The following GTF2F2 variants were observed in gnomAD, a reference collection of about 807,000 sequenced individuals.
GTF2F2 encodes general transcription factor IIF subunit 2, also known as ATP-dependent helicase GTF2F2.
GTF2F2 carries 23 observed loss-of-function variants against 42.2 expected under a neutral mutation model. That is an observed-to-expected ratio of 0.55 (90% CI 0.39 to 0.77). The LOEUF (loss-of-function observed/expected upper bound fraction) is 0.77. Ranked by LOEUF, GTF2F2 falls within the 30% of genes least tolerant of loss-of-function variation. GTF2F2 has a pLI of 0.00. For missense variants in GTF2F2, 261 were observed against 287.2 expected (o/e 0.91, Z 0.66); for synonymous variants, 105 against 100.8 (o/e 1.04, Z -0.25).
chr13:45,254,414 A>G (rs1307545170), intron 6 of GTF2F2, among the ~76,000 whole-genome samples: 1 of 152,202 alleles, frequency 6.6e-6, no homozygotes, highest in Non-Finnish European at 1.5e-5. Context: ...ATTGTTGTGT[A>G]TCTTATATGT....
At chr13:45,191,207 TA>T (rs1872607524) in intron 4 of GTF2F2, among the ~76,000 whole-genome samples, 1 of 52,232 alleles carries the variant, frequency 1.9e-5, no homozygotes, top group Non-Finnish European at 3.2e-5. Flanking sequence ...CCGTCTCTAC[TA>T]AAAATACAAA....
At chr13:45,247,045 A>AG (rs969014695) in intron 5 of GTF2F2, among the ~76,000 whole-genome samples, 18 of 131,424 alleles carry the variant, frequency 1.4e-4, no homozygotes, top group African/African-American at 4.6e-4. Flanking sequence ...TCTCAAAAAA[A>AG]AAAAAAAAAA....
intron 7 of GTF2F2, among the ~76,000 whole-genome samples, chr13:45,274,365 C>T (rs1876932862): frequency 8.3e-6 from 1 of 120,488 alleles, no homozygotes; most frequent in African/African-American, 3.4e-5. Flanking sequence ...CTCGCTCTGT[C>T]ACCCAGGCTG....
chr13:45,159,479 C>T (rs930134987), intron 4 of GTF2F2, among the ~76,000 whole-genome samples: 1 of 152,244 alleles, frequency 6.6e-6, no homozygotes, highest in East Asian at 1.9e-4. Flanking sequence ...CAACCTCCGC[C>T]TCCCAGGCGC....
chr13:45,279,480 A>T (rs1027527262), intron 7 of GTF2F2, among the ~76,000 whole-genome samples: 15 of 152,140 alleles, frequency 9.9e-5, no homozygotes, highest in African/African-American at 3.6e-4. Flanking sequence ...TGAATGGTCT[A>T]TTTTTATGGA....
chr13:45,208,943 A>C (rs1003472895), intron 5 of GTF2F2, among the ~76,000 whole-genome samples: 8 of 152,216 alleles, frequency 5.3e-5, no homozygotes, highest in Non-Finnish European at 7.3e-5. Context: ...TTGAAAATTT[A>C]TCTCTTCATA....
intron 6 of GTF2F2, among the ~76,000 whole-genome samples, chr13:45,256,716 T>A (rs9595282): frequency 0.1 from 15,878 of 152,126 alleles, 2,231 homozygotes; most frequent in African/African-American, 0.32. Context: ...AAGAGGACAT[T>A]GACTTTTAAA....
chr13:45,242,256 CTTTT>C (rs71184405), intron 5 of GTF2F2, among the ~76,000 whole-genome samples: 2 of 105,676 alleles, frequency 1.9e-5, no homozygotes, highest in Non-Finnish European at 3.8e-5. Context: ...GCTGGCACTT[CTTTT>C]TTTTTTTTTT....
At chr13:45,248,610 A>T (rs1384235912) in intron 5 of GTF2F2, among the ~76,000 whole-genome samples, 4 of 151,954 alleles carry the variant, frequency 2.6e-5, no homozygotes, top group African/African-American at 7.3e-5. Context: ...AGTAGCTGGG[A>T]TTACAGGCGC....
chr13:45,165,310 A>AATATATAT (rs1157066625), intron 4 of GTF2F2, among the ~76,000 whole-genome samples: 1 of 141,690 alleles, frequency 7.1e-6, no homozygotes, highest in African/African-American at 2.6e-5. Context: ...TTATATCTAA[A>AATATATAT]ATATATATAT....
chr13:45,261,859 G>A (rs1277159607), intron 6 of GTF2F2, among the ~76,000 whole-genome samples: 1 of 152,198 alleles, frequency 6.6e-6, no homozygotes, highest in Non-Finnish European at 1.5e-5. Flanking sequence ...GTAGTGTCAA[G>A]TTGTGAATAT....
At chr13:45,191,224 A>AAAAAAAAAAAAAATATATATATATAT in intron 4 of GTF2F2, among the ~76,000 whole-genome samples, 3 of 75,306 alleles carry the variant, frequency 4.0e-5, no homozygotes, top group Admixed American at 1.4e-4. Context: ...ACAAAAAAAA[A>AAAAAAAAAAAAAATATATATATATAT]ATATATATAT....
chr13:45,168,839 C>T (rs1871438439), intron 4 of GTF2F2, among the ~76,000 whole-genome samples: 1 of 148,434 alleles, frequency 6.7e-6, no homozygotes, highest in Non-Finnish European at 1.5e-5. Flanking sequence ...CTCCCTCTTT[C>T]CTTCCCTCCC....
At chr13:45,144,486 A>T in intron 2 of GTF2F2, among the ~76,000 whole-genome samples, 1 of 113,772 alleles carries the variant, frequency 8.8e-6, no homozygotes, top group Admixed American at 1.3e-4. Context: ...TTTGAGACAG[A>T]GTCTCACTCA....
At chr13:45,210,651 C>T (rs1566136285) in intron 5 of GTF2F2, among the ~76,000 whole-genome samples, 1 of 152,130 alleles carries the variant, frequency 6.6e-6, no homozygotes, top group Non-Finnish European at 1.5e-5. Context: ...CATTTACATA[C>T]ACACATTTGT....
At chr13:45,149,921 G>T in intron 3 of GTF2F2, 133 bp downstream of exon 3, 1 of 737,826 alleles carries the variant, frequency 1.4e-6, no homozygotes, top group African/African-American at 1.8e-5. Flanking sequence ...ACACATAAAG[G>T]TATAAATGCC....
At chr13:45,184,397 C>CCT (rs1555267299) in intron 4 of GTF2F2, among the ~76,000 whole-genome samples, 16 of 147,944 alleles carry the variant, frequency 1.1e-4, no homozygotes, top group African/African-American at 4.1e-4. Flanking sequence ...CCCCCCCGCC[C>CCT]TTTTTTTTTG....
chr13:45,240,336 T>C (rs941070294), intron 5 of GTF2F2, among the ~76,000 whole-genome samples: 17 of 152,226 alleles, frequency 1.1e-4, no homozygotes, highest in African/African-American at 3.9e-4. Context: ...TAACTCTTTG[T>C]TGCTGCTTTG....
intron 5 of GTF2F2, among the ~76,000 whole-genome samples, chr13:45,245,504 C>T (rs1018277222): frequency 1.3e-5 from 2 of 151,774 alleles, no homozygotes; most frequent in Admixed American, 6.6e-5. Flanking sequence ...CATTCTCATG[C>T]GTTTGCATAG....
Sources: gnomAD v4.1 joint callset for allele counts (sites outside exome capture counted in the v4.1 genomes callset) on GRCh38, gnomAD v4.1.1 for gene constraint, MANE v1.5 for transcripts, NCBI Gene and HGNC (gene_info 2026-07-23, HGNC 2026-07-21) for gene names.